The following FMN2 variants were observed in gnomAD, a reference collection of about 807,000 sequenced individuals.
The protein encoded by FMN2 is formin 2, also known as formin-2.
FMN2 carries 51 observed loss-of-function variants against 142.3 expected under a neutral mutation model. The ratio of observed to expected loss-of-function variants is 0.36; its 90% CI spans 0.29 to 0.45. The LOEUF is 0.45. Ranked by LOEUF, FMN2 falls within the 20% of genes least tolerant of loss-of-function variation. The pLI, the probability that FMN2 is intolerant of heterozygous loss-of-function variation, is 1.00. For missense variants in FMN2, 1,936 were observed against 2,122.8 expected (o/e 0.91, Z 1.73); for synonymous variants, 882 against 869.8 (o/e 1.01, Z -0.25).
intron 7 of FMN2, among the ~76,000 whole-genome samples, chr1:240,293,575 G>T (rs1283214759): frequency 6.6e-6 from 1 of 152,026 alleles, no homozygotes; most frequent in Admixed American, 6.6e-5. Flanking sequence ...TATAGTCAAA[G>T]GTATTTGGAC....
chr1:240,127,376 T>A (rs918115473), intron 2 of FMN2, among the ~76,000 whole-genome samples: 14 of 151,946 alleles, frequency 9.2e-5, no homozygotes, highest in Non-Finnish European at 1.9e-4. Context: ...CTGGCTTTTT[T>A]TTTTTTTTAA....
intron 14 of FMN2, among the ~76,000 whole-genome samples, chr1:240,371,416 GGTTGTGTTCTT>G (rs1672861437): frequency 6.6e-6 from 1 of 152,122 alleles, no homozygotes; most frequent in African/African-American, 2.4e-5. Context: ...CCAAATAAAT[GGTTGTGTTCTT>G]GTAGCTGAAC....
In FMN2 at chr1:240,212,604, C is replaced by T. The variant is rs372123986; in HGVS notation, c.4065+1369C>T. On this transcript the variant is annotated intron_variant, in intron 6 of 17. Transcript: ENST00000319653. ...TTAAAAACCAGAAGGTTACTCATTT[C>T]ATAATAATCAGTAAGTCCAGGGTGA... Among the ~76,000 whole-genome samples the T allele has an allele frequency of 2.0e-5, 3 of 152,298 alleles. No individual in the cohort carries two copies. In the East Asian group the frequency reaches 5.8e-4, roughly 29 times the overall value.
intron 14 of FMN2, among the ~76,000 whole-genome samples, chr1:240,362,275 CAT>C (rs1160698175): frequency 1.3e-5 from 2 of 152,102 alleles, no homozygotes; most frequent in African/African-American, 2.4e-5. Flanking sequence ...CCATATGTGA[CAT>C]AGGATTTTTC....
chr1:240,378,214 G>A (rs907614201), intron 14 of FMN2, among the ~76,000 whole-genome samples: 5 of 151,822 alleles, frequency 3.3e-5, no homozygotes, highest in African/African-American at 9.7e-5. Flanking sequence ...ACAATGGCAT[G>A]ATCTTGGCTC....
At chr1:240,299,931 G>C (rs1430991200) in intron 8 of FMN2, among the ~76,000 whole-genome samples, 1 of 152,134 alleles carries the variant, frequency 6.6e-6, no homozygotes, top group Non-Finnish European at 1.5e-5. Flanking sequence ...TAGGAATAAG[G>C]TGGCGCGCTG....
chr1:240,324,805 T>C (rs192235616), intron 8 of FMN2, among the ~76,000 whole-genome samples: 1 of 150,138 alleles, frequency 6.7e-6, no homozygotes, highest in South Asian at 2.1e-4. Context: ...AAAAAAAAAA[T>C]TGAAAACAAA....
Position 240,366,551 on chromosome 1 carries a change from A to T in FMN2, c.4858+10643A>T, listed in dbSNP as rs141865153. Among the ~76,000 whole-genome samples, 655 of 89,248 alleles carry T rather than the reference A, an allele frequency of 7.3e-3. 7 individuals are homozygous for T. The highest frequency in any genetic ancestry group is 0.028 in the African/African-American group (588 of 20,734). The allele number at this position is 89,248 out of a possible 152,430, so 58.6% of individuals were successfully genotyped here. On this transcript the variant is annotated intron_variant, in intron 14 of 17. Transcript: ENST00000319653. ...CTATTCTATCCTTTTTTTTTTTTTT[A>T]AATTTGAGATGGAGTTTCGCTCTTG...
chr1:240,331,153 AAGGCCAAT>A (rs1327339845), intron 11 of FMN2, among the ~76,000 whole-genome samples: 1 of 151,986 alleles, frequency 6.6e-6, no homozygotes, highest in Admixed American at 6.6e-5. Flanking sequence ...TTAAGCAATG[AAGGCCAAT>A]AGGTCCATAT....
At position 240,355,921 on chromosome 1, in the gene FMN2, G is replaced by T; in HGVS notation, c.4858+13G>T. ...TTTATTATTCAAGGTAAATTCCAAA[G>T]AGATGTGTTATGTTTTTCTCCCCTT... On this transcript the variant is annotated intron_variant, in intron 14 of 17. Transcript: ENST00000319653. The T allele has an allele frequency of 1.4e-6, 1 of 714,430 alleles. No homozygotes were observed. Among genetic ancestry groups the T allele is most frequent in the Non-Finnish European group, 2.2e-6 (1 of 455,302 alleles). The allele number at this position is 714,430 out of a possible 1,614,324, so 44.3% of individuals were successfully genotyped here. A position where few individuals can be genotyped will look rare whatever the true frequency, so the allele number is the denominator to read the frequency against.
chr1:240,347,042 C>G (rs1244397157), intron 13 of FMN2, among the ~76,000 whole-genome samples: 1 of 152,136 alleles, frequency 6.6e-6, no homozygotes, highest in Non-Finnish European at 1.5e-5. Flanking sequence ...TGTCAGAAAG[C>G]TGTTGAGTAC....
chr1:240,371,339 A>G (rs537795365), intron 14 of FMN2, among the ~76,000 whole-genome samples: 26 of 152,262 alleles, frequency 1.7e-4, no homozygotes, highest in African/African-American at 5.5e-4. Context: ...TTTCATGGTT[A>G]AGTCTAAGCT....
chr1:240,447,926 A>G (rs1572326110), intron 16 of FMN2, among the ~76,000 whole-genome samples: 1 of 152,218 alleles, frequency 6.6e-6, no homozygotes, highest in Non-Finnish European at 1.5e-5. Flanking sequence ...GAATTCACAC[A>G]TTAGAGTTGC....
intron 2 of FMN2, among the ~76,000 whole-genome samples, chr1:240,165,545 A>G (rs1415456003): frequency 1.3e-5 from 2 of 152,040 alleles, no homozygotes; most frequent in Non-Finnish European, 2.9e-5. Context: ...GAGTCTGATA[A>G]CAATCTAGGA....
At chr1:240,469,051 G>A (rs1029769539) in intron 16 of FMN2, among the ~76,000 whole-genome samples, 1 of 152,124 alleles carries the variant, frequency 6.6e-6, no homozygotes, top group African/African-American at 2.4e-5. Context: ...GTGAGACTCA[G>A]GAGCAAGTTG....
intron 14 of FMN2, among the ~76,000 whole-genome samples, chr1:240,369,896 T>G (rs760123185): frequency 1.3e-5 from 2 of 152,220 alleles, no homozygotes; most frequent in African/African-American, 4.8e-5. Context: ...TGGGGCCTAA[T>G]GCAGTGTGGT....
At chr1:240,154,097 G>A (rs1255781062) in intron 2 of FMN2, among the ~76,000 whole-genome samples, 1 of 64,790 alleles carries the variant, frequency 1.5e-5, no homozygotes, top group Non-Finnish European at 3.2e-5. Flanking sequence ...GCGACAAAGT[G>A]AGATTCCATC....
At chr1:240,302,111 T>C (rs776640834) in intron 8 of FMN2, among the ~76,000 whole-genome samples, 1 of 152,050 alleles carries the variant, frequency 6.6e-6, no homozygotes, top group Non-Finnish European at 1.5e-5. Context: ...TGATTCTTTC[T>C]TTTGCTGTCT....
chr1:240,113,572 A>G (rs1164706862), intron 1 of FMN2, among the ~76,000 whole-genome samples: 2 of 151,448 alleles, frequency 1.3e-5, no homozygotes, highest in African/African-American at 4.9e-5. Flanking sequence ...AAAAAAAAAA[A>G]AAAAAAATAA....
Sources: allele counts gnomAD v4.1 joint callset (sites outside exome capture counted in the v4.1 genomes callset), GRCh38; gene constraint gnomAD v4.1.1; transcripts MANE v1.5; gene names NCBI Gene and HGNC (gene_info 2026-07-23, HGNC 2026-07-21).